The following ST3GAL3 variants were observed in gnomAD, a reference collection of about 807,000 sequenced individuals.
The protein encoded by ST3GAL3 is ST3 beta-galactoside alpha-2,3-sialyltransferase 3.
A neutral mutation model predicts 50.1 loss-of-function variants in ST3GAL3; 21 were observed. The observed-to-expected ratio is 0.42, with a 90% confidence interval of 0.30 to 0.60. ST3GAL3 has a LOEUF of 0.60. Among genes scored for constraint, ST3GAL3 ranks in the 20% least tolerant of loss-of-function variants. The pLI, the probability that ST3GAL3 is intolerant of heterozygous loss-of-function variation, is 0.19. For missense variants in ST3GAL3, 353 were observed against 489.4 expected (o/e 0.72, Z 2.63); for synonymous variants, 183 against 190.0 (o/e 0.96, Z 0.30).
intron 1 of ST3GAL3, among the ~76,000 whole-genome samples, chr1:43,711,359 C>A (rs1339499405): frequency 1.3e-5 from 2 of 152,194 alleles, no homozygotes; most frequent in Admixed American, 6.5e-5. Flanking sequence ...AGTTTCTGTC[C>A]CACTATGGCA....
chr1:43,767,940 T>C (rs1693718316), intron 2 of ST3GAL3, among the ~76,000 whole-genome samples: 1 of 151,426 alleles, frequency 6.6e-6, no homozygotes, highest in Non-Finnish European at 1.5e-5. Flanking sequence ...TAACCGAAGG[T>C]TGAAAAAAAT....
intron 4 of ST3GAL3, among the ~76,000 whole-genome samples, chr1:43,817,253 A>G (rs2061347313): frequency 6.6e-6 from 1 of 152,254 alleles, no homozygotes; most frequent in African/African-American, 2.4e-5. Flanking sequence ...TCCATAAAGT[A>G]TGAATAAATA....
At chr1:43,814,988 G>A in intron 4 of ST3GAL3, 55 bp downstream of exon 4, 2 of 1,558,096 alleles carry the variant, frequency 1.3e-6, no homozygotes, top group Non-Finnish European at 1.8e-6. Context: ...TGTGAGAGCT[G>A]GGTCTCACTT....
intron 4 of ST3GAL3, among the ~76,000 whole-genome samples, chr1:43,821,468 A>G (rs2062085385): frequency 6.6e-6 from 1 of 152,142 alleles, no homozygotes; most frequent in South Asian, 2.1e-4. Flanking sequence ...TGAGGATATA[A>G]AGGAACACAG....
chr1:43,783,486 G>A (rs972718663), intron 2 of ST3GAL3, among the ~76,000 whole-genome samples: 7 of 152,148 alleles, frequency 4.6e-5, no homozygotes, highest in Non-Finnish European at 8.8e-5. Context: ...ATAGAAAGGT[G>A]AATCACACTC....
chr1:43,791,266 AGTTT>A (rs2058043009), intron 2 of ST3GAL3, among the ~76,000 whole-genome samples: 3 of 152,170 alleles, frequency 2.0e-5, no homozygotes, highest in African/African-American at 7.2e-5. Flanking sequence ...CTAGTTAAAT[AGTTT>A]GTTCTTTGGT....
chr1:43,734,616 A>C (rs1677563392), intron 1 of ST3GAL3, among the ~76,000 whole-genome samples: 1 of 151,412 alleles, frequency 6.6e-6, no homozygotes, highest in Admixed American at 6.6e-5. Context: ...AGCCCACCTA[A>C]CATTTTCTAA....
At chr1:43,792,402 AAG>A (rs1292732668) in intron 3 of ST3GAL3, among the ~76,000 whole-genome samples, 13 of 152,194 alleles carry the variant, frequency 8.5e-5, no homozygotes, top group Non-Finnish European at 1.6e-4. Flanking sequence ...CAGAGTTGTC[AAG>A]AGTCACATAA....
intron 2 of ST3GAL3, among the ~76,000 whole-genome samples, chr1:43,743,207 T>G (rs1681815512): frequency 7.8e-6 from 1 of 128,504 alleles, no homozygotes; most frequent in Admixed American, 7.9e-5. Flanking sequence ...GAAAACTTCC[T>G]AAGTTTGATG....
chr1:43,875,073 A>T lies in ST3GAL3; in HGVS notation c.303-19310A>T, dbSNP rs140883876. Among the ~76,000 whole-genome samples the T allele has an allele frequency of 2.2e-4, 33 of 152,314 alleles. 1 individual carries two copies. The East Asian group carries it at 5.8e-3, about 27-fold the overall frequency. On this transcript the variant is annotated intron_variant, in intron 5 of 11. Coordinates refer to ENST00000347631, the MANE Select transcript of ST3GAL3 (RefSeq NM_006279.5). ...ATCAAAGCTGTGTTTCCCCCAAATGAGAAAGGAACAAAGAAGCTGAGGGTG... is the reference window on the plus strand; with the variant it reads ...ATCAAAGCTGTGTTTCCCCCAAATGTGAAAGGAACAAAGAAGCTGAGGGTG...
At chr1:43,840,053 G>A (rs1201063087) in intron 5 of ST3GAL3, 1 of 149,674 alleles carries the variant, frequency 6.7e-6, no homozygotes, top group African/African-American at 2.5e-5. Flanking sequence ...TTTTGAGACA[G>A]GGTCTTGCGG....
intron 1 of ST3GAL3, among the ~76,000 whole-genome samples, chr1:43,724,819 G>A (rs1474261864): frequency 6.6e-6 from 1 of 152,200 alleles, no homozygotes; most frequent in Non-Finnish European, 1.5e-5. Context: ...AGTTTTAGGG[G>A]CTGTATAAAG....
chr1:43,798,580 G>A lies in ST3GAL3; in HGVS notation c.166+6431G>A, dbSNP rs184044473. Among the ~76,000 whole-genome samples, 240 of 152,136 alleles carry A rather than the reference G, an allele frequency of 1.6e-3. 1 individual carries two copies. Among genetic ancestry groups the A allele is most frequent in the African/African-American group, 5.5e-3 (230 of 41,490 alleles). On this transcript the variant is annotated intron_variant, in intron 3 of 11. Transcript: ENST00000347631. ...AGACTGTTCTTACCTCCTGCTTTGC[G>A]TTGCTGTCTTCAGGCCTCTGTCCCA...
At chr1:43,811,648 C>T (rs963852784) in intron 3 of ST3GAL3, among the ~76,000 whole-genome samples, 4 of 152,212 alleles carry the variant, frequency 2.6e-5, no homozygotes, top group Non-Finnish European at 4.4e-5. Context: ...GGAGTGCAGG[C>T]CAGTCCCCAT....
intron 9 of ST3GAL3, among the ~76,000 whole-genome samples, chr1:43,917,185 C>G (rs2154291541): frequency 6.6e-6 from 1 of 151,578 alleles, no homozygotes; most frequent in East Asian, 1.9e-4. Context: ...CCACTAGCAC[C>G]AAGATATAGA....
At chr1:43,715,023 A>C (rs992353547) in intron 1 of ST3GAL3, among the ~76,000 whole-genome samples, 1 of 152,134 alleles carries the variant, frequency 6.6e-6, no homozygotes, top group African/African-American at 2.4e-5. Flanking sequence ...TTTTTCTTGC[A>C]AAGTAACTGA....
At chr1:43,868,934 C>A (rs995385900) in intron 5 of ST3GAL3, among the ~76,000 whole-genome samples, 2 of 152,158 alleles carry the variant, frequency 1.3e-5, no homozygotes, top group South Asian at 2.1e-4. Context: ...CTGTAGACAG[C>A]CCAATGAAGA....
intron 4 of ST3GAL3, among the ~76,000 whole-genome samples, chr1:43,827,616 C>T (rs2062991163): frequency 6.6e-6 from 1 of 152,150 alleles, no homozygotes; most frequent in Admixed American, 6.5e-5. Flanking sequence ...GATCCTCCTA[C>T]CTCAGCCTCT....
At chr1:43,815,291 C>T (rs1299909992) in intron 4 of ST3GAL3, among the ~76,000 whole-genome samples, 1 of 152,136 alleles carries the variant, frequency 6.6e-6, no homozygotes, top group Non-Finnish European at 1.5e-5. Context: ...TGCTCTGGCA[C>T]CTGACATGCA....
Sources: allele counts gnomAD v4.1 joint callset (sites outside exome capture counted in the v4.1 genomes callset), GRCh38; gene constraint gnomAD v4.1.1; transcripts MANE v1.5; gene names NCBI Gene and HGNC (gene_info 2026-07-23, HGNC 2026-07-21).